SLC22A3: variants seen among roughly 807,000 people sequenced by gnomAD.
The protein encoded by SLC22A3 is solute carrier family 22 member 3.
In SLC22A3, 51 loss-of-function variants were observed where a neutral mutation model predicts 59.1. The observed-to-expected ratio is 0.86, with a 90% CI of 0.69 to 1.09. The LOEUF is 1.09. SLC22A3 is among the 50% of genes least tolerant of loss of function. SLC22A3 has a pLI of 0.00. For synonymous variants in SLC22A3, 325 were observed against 292.0 expected, an observed-to-expected ratio of 1.11 and a Z score of -1.15; for missense variants, 711 against 726.3, an observed-to-expected ratio of 0.98 and a Z score of 0.24.
chr6:160,376,312 C>G (rs1022558223), intron 1 of SLC22A3, among the ~76,000 whole-genome samples: 1 of 148,318 alleles, frequency 6.7e-6, no homozygotes, highest in African/African-American at 2.5e-5. Context: ...TGGACTCAGG[C>G]AGGGGAACAA....
At chr6:160,350,549 T>A (rs1784625135) in intron 1 of SLC22A3, among the ~76,000 whole-genome samples, 1 of 152,162 alleles carries the variant, frequency 6.6e-6, no homozygotes, top group Non-Finnish European at 1.5e-5. Context: ...CAGCGCTGCC[T>A]AATGCTTACT....
At chr6:160,371,353 C>A (rs1785391086) in intron 1 of SLC22A3, among the ~76,000 whole-genome samples, 1 of 152,114 alleles carries the variant, frequency 6.6e-6, no homozygotes, top group African/African-American at 2.4e-5. Context: ...CCCTGACAGG[C>A]CCTGGTGTGT....
chr6:160,428,513 G>A (rs1251093922), intron 5 of SLC22A3, among the ~76,000 whole-genome samples: 2 of 152,200 alleles, frequency 1.3e-5, no homozygotes, highest in Admixed American at 6.5e-5. Context: ...AGATTTAATA[G>A]GAAGCAAAGA....
rs1784668477 is a variant in SLC22A3, at chr6:160,351,771, C to G, written c.429+2923C>G. On this transcript the variant is annotated intron_variant, in intron 1 of 10. Transcript: ENST00000275300. ...CCTCCATATAGCTATAATACTTCAT[C>G]CTTGCACCATGGTGGGAGGGGTATC... Among the ~76,000 whole-genome samples the G allele has an allele frequency of 2.6e-5, 4 of 152,266 alleles. No individual in the cohort carries two copies. The South Asian group carries it at 8.3e-4, about 32-fold the overall frequency.
intron 5 of SLC22A3, among the ~76,000 whole-genome samples, chr6:160,414,800 A>G (rs1787403373): frequency 6.6e-6 from 1 of 152,202 alleles, no homozygotes; most frequent in African/African-American, 2.4e-5. Flanking sequence ...GGTTCCTCCT[A>G]TGACACATGG....
intron 1 of SLC22A3, among the ~76,000 whole-genome samples, chr6:160,371,437 G>A (rs1431767740): frequency 6.6e-6 from 1 of 152,064 alleles, no homozygotes; most frequent in Non-Finnish European, 1.5e-5. Flanking sequence ...GAGGTGTTTG[G>A]TTTTCTGTTC....
rs1788732191 is a variant in SLC22A3 at position 160,446,090 on chromosome 6, G to A, written c.1511-1629G>A. The stretch of plus-strand genomic sequence containing the variant: ...GTGACAGACCTAGGCAGAAGGAGAG[G>A]AGGTGGCCAAGGAAGTGGAAACCAA... On this transcript the variant is annotated intron_variant, in intron 9 of 10. Transcript: ENST00000275300. 3.3e-5 allele frequency among the ~76,000 whole-genome samples: 5 copies of A among 152,292 alleles called. No individual in the cohort carries two copies. The South Asian group carries it at 1.0e-3, about 32-fold the overall frequency.
chr6:160,352,869 T>A (rs1202204517), intron 1 of SLC22A3, among the ~76,000 whole-genome samples: 1 of 152,230 alleles, frequency 6.6e-6, no homozygotes, highest in African/African-American at 2.4e-5. Flanking sequence ...TCACCCAGGC[T>A]GGAGAGCAGT....
intron 1 of SLC22A3, among the ~76,000 whole-genome samples, chr6:160,386,037 C>T (rs1396386821): frequency 6.6e-6 from 1 of 152,208 alleles, no homozygotes; most frequent in Non-Finnish European, 1.5e-5. Context: ...ATCCAGGCCC[C>T]TGGAGATGAA....
chr6:160,442,658 A>G, intron 7 of SLC22A3, 103 bp from the exon 8 acceptor site: 1 of 833,888 alleles, frequency 1.2e-6, no homozygotes, highest in Admixed American at 1.9e-5. Flanking sequence ...ATTGGCAAAG[A>G]CTTCAGACTG....
chr6:160,411,464 G>A (rs1307273695), intron 5 of SLC22A3, among the ~76,000 whole-genome samples: 1 of 152,160 alleles, frequency 6.6e-6, no homozygotes, highest in African/African-American at 2.4e-5. Flanking sequence ...AGGGCCGGGT[G>A]TAATGGCTCA....
At chr6:160,402,580 C>T (rs993785712) in intron 2 of SLC22A3, among the ~76,000 whole-genome samples, 8 of 151,680 alleles carry the variant, frequency 5.3e-5, no homozygotes, top group Non-Finnish European at 1.2e-4. Context: ...CAACAGCAGA[C>T]TTAACATTTT....
In SLC22A3 at chr6:160,381,685, AG is replaced by A. The variant is rs765720831; in HGVS notation, c.430-16292del. 1.2e-4 allele frequency among the ~76,000 whole-genome samples: 19 copies of A among 152,324 alleles called. No individual in the cohort carries two copies. In the East Asian group the frequency reaches 3.5e-3, roughly 28 times the overall value. On this transcript the variant is annotated intron_variant, in intron 1 of 10. Transcript: ENST00000275300. The stretch of plus-strand genomic sequence containing the variant: ...TTACAACTATGAAGAGGAATAATAG[AG>A]GCCTTTTATTAGCAAAGAGATTATT...
intron 1 of SLC22A3, among the ~76,000 whole-genome samples, chr6:160,358,067 C>T (rs1347984268): frequency 6.6e-6 from 1 of 152,106 alleles, no homozygotes; most frequent in East Asian, 1.9e-4. Context: ...TTATCAACTC[C>T]AGAGATCATT....
intron 1 of SLC22A3, among the ~76,000 whole-genome samples, chr6:160,369,717 G>T (rs1259421856): frequency 6.6e-6 from 1 of 152,042 alleles, no homozygotes. Flanking sequence ...AGATTTTTTT[G>T]CAGAGAAATA....
At chr6:160,426,471 C>A in intron 5 of SLC22A3, 1 of 530,198 alleles carries the variant, frequency 1.9e-6, no homozygotes, top group Non-Finnish European at 2.4e-6. Flanking sequence ...CCACTCTTCC[C>A]TCGGCAGGTT....
chr6:160,381,536 A>G (rs1323190897), intron 1 of SLC22A3, among the ~76,000 whole-genome samples: 2 of 152,224 alleles, frequency 1.3e-5, no homozygotes, highest in African/African-American at 4.8e-5. Context: ...TTAAACACTA[A>G]TAGTTAAAAG....
chr6:160,411,350 T>C (rs1164223705), intron 5 of SLC22A3, among the ~76,000 whole-genome samples: 1 of 152,216 alleles, frequency 6.6e-6, no homozygotes, highest in African/African-American at 2.4e-5. Context: ...TCTAAACTCC[T>C]ATATGCTGGT....
At chr6:160,450,238 C>T (rs1405406894) in intron 10 of SLC22A3, among the ~76,000 whole-genome samples, 1 of 152,136 alleles carries the variant, frequency 6.6e-6, no homozygotes, top group Non-Finnish European at 1.5e-5. Context: ...TAGACCTCCC[C>T]CTAGGAACGC....
Sources: allele counts gnomAD v4.1 joint callset (sites outside exome capture counted in the v4.1 genomes callset), GRCh38; gene constraint gnomAD v4.1.1; transcripts MANE v1.5; gene names NCBI Gene and HGNC (gene_info 2026-07-23, HGNC 2026-07-21).